Variants in SYNJ2 observed in about 807,000 individuals in gnomAD.
SYNJ2 encodes the protein synaptojanin 2, also known as polyphosphatidylinositol phosphatase SYNJ2.
SYNJ2 carries 116 observed loss-of-function variants against 141.3 expected under a neutral mutation model. The ratio of observed to expected loss-of-function variants is 0.82; its 90% confidence interval spans 0.71 to 0.96. The LOEUF is 0.96. Ranked by LOEUF, SYNJ2 falls within the 40% of genes least tolerant of loss-of-function variation. The pLI is 0.00. For missense variants in SYNJ2, 1,873 were observed against 1,934.8 expected (o/e 0.97, Z 0.60); for synonymous variants, 745 against 777.7 (o/e 0.96, Z 0.70).
rs777008228 is a variant in SYNJ2, at chr6:158,066,533, G to A, written c.1615G>A (p.Val539Met). 1.2e-5 allele frequency: 20 copies of A among 1,614,192 alleles called. No homozygotes were observed. Among genetic ancestry groups the A allele is most frequent in the Non-Finnish European group, 1.6e-5 (19 of 1,180,040 alleles). ...CCGGATTGCTATGGGGACCTGGAACGTGAACGGAGGAAAGCAGTTCCGGAG... is the reference window on the plus strand; with the variant it reads ...CCGGATTGCTATGGGGACCTGGAACATGAACGGAGGAAAGCAGTTCCGGAG... Reference protein sequence around the residue: ...RIRIAMGTWNVNGGKQFRSNV... With the variant: ...RIRIAMGTWNMNGGKQFRSNV... Residue 539 changes from valine (V) to methionine (M), a missense_variant, in exon 12 of 27, where the codon GTG (valine) becomes ATG (methionine). Transcript: ENST00000355585.
chr6:158,074,519 T>C (rs1782141698), intron 15 of SYNJ2, 61 bp from the exon 16 acceptor site: 2 of 1,553,646 alleles, frequency 1.3e-6, no homozygotes, highest in Admixed American at 4.0e-5. Context: ...CTTGTTTTTC[T>C]CCTCTCTCCC....
intron 25 of SYNJ2, 83 bp from the exon 26 acceptor site, chr6:158,092,839 CACTT>C (rs1783552110): frequency 2.4e-6 from 3 of 1,230,892 alleles, no homozygotes; most frequent in Non-Finnish European, 3.4e-6. Context: ...TAGTAAATGA[CACTT>C]AGGATGTAGA....
chr6:158,095,399 T>C (rs1032560773), intron 26 of SYNJ2, among the ~76,000 whole-genome samples: 1 of 152,186 alleles, frequency 6.6e-6, no homozygotes, highest in African/African-American at 2.4e-5. Flanking sequence ...TCGTTTTCAT[T>C]GGACCTGCTG....
chr6:158,081,633 TTTCTC>T (rs1782695056), intron 20 of SYNJ2, 123 bp downstream of exon 20: 1 of 245,040 alleles, frequency 4.1e-6, no homozygotes, highest in African/African-American at 1.2e-4. Flanking sequence ...TTTTTTTTTT[TTTCTC>T]TGAGACAAAG....
intron 1 of SYNJ2, among the ~76,000 whole-genome samples, chr6:158,010,937 G>A (rs1562321959): frequency 6.7e-6 from 1 of 149,976 alleles, no homozygotes; most frequent in Non-Finnish European, 1.5e-5. Flanking sequence ...CATGGGGAGA[G>A]GATGGCCTTG....
intron 4 of SYNJ2, among the ~76,000 whole-genome samples, chr6:158,039,873 T>C (rs751014410): frequency 6.6e-6 from 1 of 152,154 alleles, no homozygotes; most frequent in Non-Finnish European, 1.5e-5. Context: ...CACACTGGCC[T>C]GGGGCCCCTG....
chr6:157,992,685 G>A (rs1777495440), intron 1 of SYNJ2, among the ~76,000 whole-genome samples: 1 of 151,348 alleles, frequency 6.6e-6, no homozygotes, highest in African/African-American at 2.4e-5. Context: ...GGTGTGAGCA[G>A]GTGTGAGCAA....
chr6:158,070,600 T>A lies in SYNJ2; in HGVS notation c.1940+927T>A. On this transcript the variant is annotated intron_variant, in intron 14 of 26. Coordinates refer to ENST00000355585, the MANE Select transcript of SYNJ2 (RefSeq NM_003898.4). This position sits in a 1 kb window ranked among gnomAD's most constrained non-coding sequence, Gnocchi z 4.0. ...CTGAGGAGAGCCAGGTTTCCCAGGC[T>A]CGGTGTCCTCGGCTTCACGTGCCTT... 1.3e-6 allele frequency: 1 copy of A among 743,638 alleles called. No homozygotes were observed. The highest frequency in any genetic ancestry group is 1.6e-6 in the Non-Finnish European group (1 of 609,614). 46.1% of individuals were successfully genotyped at this position (743,638 alleles called of 1,614,324 possible). A position where few individuals can be genotyped will look rare whatever the true frequency, so the allele number is the denominator to read the frequency against.
chr6:158,089,742 G>A, intron 24 of SYNJ2, 97 bp from the exon 25 acceptor site: 2 of 769,354 alleles, frequency 2.6e-6, no homozygotes, highest in Non-Finnish European at 4.4e-6. Flanking sequence ...GCATCGTCTG[G>A]TGGAGCCCTG....
chr6:157,985,658 G>A (rs1043666075), intron 1 of SYNJ2, among the ~76,000 whole-genome samples: 2 of 152,210 alleles, frequency 1.3e-5, no homozygotes, highest in African/African-American at 4.8e-5. Flanking sequence ...TGGATTTTGT[G>A]TATTTTCAGA....
At chr6:158,029,088 G>GGTCTCC (rs1779220806) in intron 3 of SYNJ2, 62 bp downstream of exon 3, 70 of 1,574,242 alleles carry the variant, frequency 4.4e-5, no homozygotes, top group Middle Eastern at 4.2e-4. Context: ...GTGGGCCCTG[G>GGTCTCC]TTGGCATCTG....
rs148467985 is a variant in SYNJ2, at chr6:158,070,596, A to G, written c.1940+923A>G. The G allele has an allele frequency of 5.0e-6, 4 of 801,980 alleles. No homozygotes were observed. The African/African-American group carries it at 5.6e-5, about 11-fold the overall frequency. The allele number at this position is 801,980 out of a possible 1,614,324, so 49.7% of individuals were successfully genotyped here. On this transcript the variant is annotated intron_variant, in intron 14 of 26. Coordinates refer to ENST00000355585, the MANE Select transcript of SYNJ2 (RefSeq NM_003898.4). The surrounding 1 kb of genome is among the most constrained non-coding windows in gnomAD (Gnocchi z 4.0). Reference sequence around the variant, plus strand: ...AGAGCTGAGGAGAGCCAGGTTTCCCAGGCTCGGTGTCCTCGGCTTCACGTG... The same window carrying G: ...AGAGCTGAGGAGAGCCAGGTTTCCCGGGCTCGGTGTCCTCGGCTTCACGTG...
Position 158,078,382 on chromosome 6 carries a change from G to T in SYNJ2, c.2567+101G>T, listed in dbSNP as rs138731828. Reference sequence around the variant, plus strand: ...GCTGTCCCCATAAGGATGTGTGTGCGCATGGGGGTGCATTTTGTGTGCATA... The same window carrying T: ...GCTGTCCCCATAAGGATGTGTGTGCTCATGGGGGTGCATTTTGTGTGCATA... On this transcript the variant is annotated intron_variant, in intron 18 of 26. Transcript: ENST00000355585. 1.2e-3 allele frequency: 876 copies of T among 721,272 alleles called. 5 individuals are homozygous for T. In the African/African-American group the frequency reaches 0.013, roughly 11 times the overall value. The allele number at this position is 721,272 out of a possible 1,614,324, so 44.7% of individuals were successfully genotyped here.
intron 26 of SYNJ2, among the ~76,000 whole-genome samples, chr6:158,094,362 A>C (rs1783664651): frequency 6.8e-6 from 1 of 146,778 alleles, no homozygotes; most frequent in Admixed American, 7.1e-5. Context: ...CCTTGAACAC[A>C]CTCAGAACAC....
rs868347812 is a variant in SYNJ2 at position 158,040,976 on chromosome 6, C to T, written c.712-2340C>T. On this transcript the variant is annotated intron_variant, in intron 4 of 26. Transcript: ENST00000355585. The surrounding 1 kb of genome is among the most constrained non-coding windows in gnomAD (Gnocchi z 4.2). The stretch of plus-strand genomic sequence containing the variant: ...TTCCCACGACCCAAGCTCTCTCCGA[C>T]GCCAGCAGGTGCCCGCATGCATAGT... Among the ~76,000 whole-genome samples, 14 of 152,226 alleles carry T rather than the reference C, an allele frequency of 9.2e-5. No homozygotes were observed. Among genetic ancestry groups the T allele is most frequent in the East Asian group, 3.8e-4 (2 of 5,196 alleles).
chr6:158,033,738 A>C, intron 4 of SYNJ2, 58 bp downstream of exon 4: 1 of 1,535,552 alleles, frequency 6.5e-7, no homozygotes, highest in Non-Finnish European at 8.8e-7. Context: ...CAGCTCTTGC[A>C]CACGCGCTTT....
At position 158,071,593 on chromosome 6, in the gene SYNJ2, C is replaced by T. The variant is rs1583461933; in HGVS notation, c.1941-9C>T. On this transcript the variant is annotated splice_polypyrimidine_tract_variant and intron_variant, in intron 14 of 26. Transcript: ENST00000355585. The surrounding 1 kb of genome is among the most constrained non-coding windows in gnomAD (Gnocchi z 4.3). ...GAGCCGACGGCATGCGCGTATCCTT[C>T]TGTTCCAGGGACGTAGCCATCGACA... 1 of 1,612,854 alleles carries T rather than the reference C, an allele frequency of 6.2e-7. No individual in the cohort carries two copies. The highest frequency in any genetic ancestry group is 2.2e-5 in the East Asian group (1 of 44,878).
Position 157,981,972 on chromosome 6 carries a change from G to A in SYNJ2, c.11G>A (p.Ser4Asn), listed in dbSNP as rs772290356. MAL[S>N]KGLRLLGRLG... ...GTGGGCCCGACCCTCATGGCCCTGA[G>A]CAAAGGGCTGCGGCTGCTGGGGCGC... Residue 4 changes from serine (S) to asparagine (N), a missense_variant, in exon 1 of 27, where the codon AGC becomes AAC. Coordinates refer to ENST00000355585, the MANE Select transcript of SYNJ2 (RefSeq NM_003898.4). This position sits in a 1 kb window ranked among gnomAD's most constrained non-coding sequence, Gnocchi z 6.4. 3.2e-6 allele frequency: 4 copies of A among 1,263,164 alleles called. No homozygotes were observed. The highest frequency in any genetic ancestry group is 5.8e-5 in the South Asian group (2 of 34,508). The allele number at this position is 1,263,164 out of a possible 1,614,324, so 78.2% of individuals were successfully genotyped here. A position where few individuals can be genotyped will look rare whatever the true frequency, so the allele number is the denominator to read the frequency against.
rs1782149101 is a variant in SYNJ2 at position 158,074,620 on chromosome 6, G to T, written c.2174G>T (p.Gly725Val). 6.2e-7 allele frequency: 1 copy of T among 1,613,646 alleles called. No individual in the cohort carries two copies. The highest frequency in any genetic ancestry group is 2.2e-5 in the East Asian group (1 of 44,870). ...VFSHDYVFWCGDFNYRIDLTY... is the reference protein window; with the variant it reads ...VFSHDYVFWCVDFNYRIDLTY... ...TCTCATGATTATGTATTTTGGTGTG[G>T]CGATTTCAACTACCGCATTGATCTT... Residue 725 changes from glycine to valine, a missense_variant, in exon 16 of 27, where the codon GGC becomes GTC. Coordinates refer to ENST00000355585, the MANE Select transcript of SYNJ2 (RefSeq NM_003898.4).
Sources: gnomAD v4.1 joint callset for allele counts (sites outside exome capture counted in the v4.1 genomes callset) on GRCh38, gnomAD v4.1.1 for gene constraint, Gnocchi (gnomAD v3.1) non-coding constraint, MANE v1.5 for transcripts, NCBI Gene and HGNC (gene_info 2026-07-23, HGNC 2026-07-21) for gene names.